The following MRTFA variants were observed in gnomAD, a reference collection of about 807,000 sequenced individuals.
The protein encoded by MRTFA is myocardin-related transcription factor A.
Under a neutral mutation model 83.5 loss-of-function variants are expected in MRTFA, and 20 were observed. That is an observed-to-expected ratio of 0.24 (90% confidence interval 0.17 to 0.35). MRTFA has a LOEUF of 0.35. Ranked by LOEUF, MRTFA falls within the 10% of genes least tolerant of loss-of-function variation. The probability of loss-of-function intolerance (pLI) is 1.00; values close to 1 mark genes in which losing one functional copy is unlikely to be tolerated. For missense variants in MRTFA, 1,200 were observed against 1,224.7 expected (o/e 0.98, Z 0.30); for synonymous variants, 659 against 541.2 (o/e 1.22, Z -3.02).
In MRTFA at chr22:40,613,165, C is replaced by A. The variant is rs201825261; in HGVS notation, c.-83-18430G>T. Among the ~76,000 whole-genome samples the A allele has an allele frequency of 8.5e-5, 13 of 152,274 alleles. No individual in the cohort carries two copies. The East Asian group carries it at 1.5e-3, about 18-fold the overall frequency. On this transcript the variant is annotated intron_variant, in intron 1 of 14. Coordinates refer to ENST00000355630, the MANE Select transcript of MRTFA (RefSeq NM_020831.6). The stretch of plus-strand genomic sequence containing the variant: ...GATTCATTCACAGTGCTGCATGTAT[C>A]CATAATTCATTCCTTTCTTTTTTCT...
intron 4 of MRTFA, among the ~76,000 whole-genome samples, chr22:40,441,994 G>A (rs894521532): frequency 2.0e-5 from 3 of 152,054 alleles, no homozygotes; most frequent in Admixed American, 1.3e-4. Context: ...GAGTAAGTAT[G>A]AAGACTCTTA....
At chr22:40,565,030 AT>A (rs1167733649) in intron 2 of MRTFA, among the ~76,000 whole-genome samples, 4 of 152,174 alleles carry the variant, frequency 2.6e-5, no homozygotes, top group African/African-American at 9.7e-5. Flanking sequence ...GAGCTTATGT[AT>A]AGGGACGTGA....
At chr22:40,437,339 A>G (rs765790892) in intron 4 of MRTFA, among the ~76,000 whole-genome samples, 1 of 152,216 alleles carries the variant, frequency 6.6e-6, no homozygotes, top group Non-Finnish European at 1.5e-5. Context: ...TGGAAAGCTT[A>G]GCACATGCAT....
intron 1 of MRTFA, among the ~76,000 whole-genome samples, chr22:40,626,740 CTGTAGTCCCAACACTT>C (rs2056586260): frequency 6.6e-6 from 1 of 152,060 alleles, no homozygotes; most frequent in Non-Finnish European, 1.5e-5. Flanking sequence ...TGGCTCATGC[CTGTAGTCCCAACACTT>C]TGAGAGTTCA....
chr22:40,632,305 A>G (rs1408780496), intron 1 of MRTFA, among the ~76,000 whole-genome samples: 1 of 151,586 alleles, frequency 6.6e-6, no homozygotes, highest in Non-Finnish European at 1.5e-5. Context: ...TTTTTTTTTG[A>G]GACAGTTTTG....
Position 40,538,985 on chromosome 22 carries a change from C to CTTTTTTTTTTTTTTTTTTT in MRTFA, c.241+13120_241+13121insAAAAAAAAAAAAAAAAAAA, listed in dbSNP as rs201694198. Among the ~76,000 whole-genome samples, 20 of 106,888 alleles carry CTTTTTTTTTTTTTTTTTTT rather than the reference C, an allele frequency of 1.9e-4. 9 individuals are homozygous for CTTTTTTTTTTTTTTTTTTT. The highest frequency in any genetic ancestry group is 2.0e-4 in the Non-Finnish European group (11 of 55,568). The allele number at this position is 106,888 out of a possible 152,430, so 70.1% of individuals were successfully genotyped here. On this transcript the variant is annotated intron_variant, in intron 3 of 14. Transcript: ENST00000355630. Reference sequence around the variant, plus strand: ...GACATTATACTGCAGGATACACAGCCTTTTGTTTTTTTTTTTTTTTTTTTT... The same window carrying CTTTTTTTTTTTTTTTTTTT: ...GACATTATACTGCAGGATACACAGCCTTTTTTTTTTTTTTTTTTTTTTTGTTTTTTTTTTTTTTTTTTTT...
chr22:40,414,439 G>A (rs2052633685), intron 14 of MRTFA, among the ~76,000 whole-genome samples: 1 of 152,208 alleles, frequency 6.6e-6, no homozygotes, highest in African/African-American at 2.4e-5. Flanking sequence ...CTTGTACACT[G>A]ACATTCACAA....
chr22:40,551,410 C>G (rs1042095288), intron 3 of MRTFA, among the ~76,000 whole-genome samples: 1 of 152,154 alleles, frequency 6.6e-6, no homozygotes, highest in Admixed American at 6.5e-5. Context: ...ATTCTGTCGT[C>G]CAGGCTGGAG....
intron 2 of MRTFA, among the ~76,000 whole-genome samples, chr22:40,564,084 T>C (rs574137806): frequency 2.0e-5 from 3 of 152,330 alleles, no homozygotes; most frequent in Admixed American, 1.3e-4. Context: ...ACAGGATTTA[T>C]ATAAGATAGA....
chr22:40,564,633 A>G (rs1222539349), intron 2 of MRTFA, among the ~76,000 whole-genome samples: 1 of 152,064 alleles, frequency 6.6e-6, no homozygotes, highest in Non-Finnish European at 1.5e-5. Flanking sequence ...ATAATGCTGT[A>G]ACTTTATTTT....
At chr22:40,519,224 CCT>C (rs1195869679) in intron 3 of MRTFA, among the ~76,000 whole-genome samples, 3 of 152,086 alleles carry the variant, frequency 2.0e-5, no homozygotes, top group East Asian at 1.9e-4. Context: ...GAAAACTACC[CCT>C]GAGTTTAGGC....
Position 40,605,704 on chromosome 22 carries a change from G to A in MRTFA, c.-83-10969C>T, listed in dbSNP as rs962890448. On this transcript the variant is annotated intron_variant, in intron 1 of 14. Coordinates refer to ENST00000355630, the MANE Select transcript of MRTFA (RefSeq NM_020831.6). ...AAAACATCAAAACTGATTTTGGCCA[G>A]GGAAAATCATCTCTATATTCCATTA... is the stretch of plus-strand genomic sequence containing the variant. 6.6e-5 allele frequency among the ~76,000 whole-genome samples: 10 copies of A among 152,142 alleles called. No homozygotes were observed. In the South Asian group the frequency reaches 1.0e-3, roughly 16 times the overall value.
chr22:40,604,913 C>T (rs1167031529), intron 1 of MRTFA, among the ~76,000 whole-genome samples: 1 of 152,102 alleles, frequency 6.6e-6, no homozygotes, highest in African/African-American at 2.4e-5. Flanking sequence ...ATGAATGAGG[C>T]AAGTATGTGG....
At chr22:40,476,995 G>C (rs919197312) in intron 3 of MRTFA, among the ~76,000 whole-genome samples, 1 of 151,866 alleles carries the variant, frequency 6.6e-6, no homozygotes, top group East Asian at 1.9e-4. Context: ...ATGTGGGGTT[G>C]GTTTTATATA....
chr22:40,481,110 A>C (rs1449228724), intron 3 of MRTFA, among the ~76,000 whole-genome samples: 3 of 152,126 alleles, frequency 2.0e-5, no homozygotes, highest in African/African-American at 7.2e-5. Context: ...CCTGTCTCAA[A>C]AAATAACAAC....
chr22:40,520,809 A>G (rs1235421594), intron 3 of MRTFA, among the ~76,000 whole-genome samples: 1 of 152,148 alleles, frequency 6.6e-6, no homozygotes, highest in Non-Finnish European at 1.5e-5. Flanking sequence ...TCATCAACTG[A>G]AAGACATGTG....
chr22:40,432,884 C>T (rs114504607), intron 5 of MRTFA, among the ~76,000 whole-genome samples: 192 of 152,226 alleles, frequency 1.3e-3, no homozygotes, highest in African/African-American at 4.4e-3. Flanking sequence ...GAGCAGGTGC[C>T]GCAAGTCTTC....
chr22:40,441,989 A>C (rs2053286502), intron 4 of MRTFA, among the ~76,000 whole-genome samples: 1 of 152,138 alleles, frequency 6.6e-6, no homozygotes, highest in Non-Finnish European at 1.5e-5. Context: ...CTGAAGAGTA[A>C]GTATGAAGAC....
intron 3 of MRTFA, chr22:40,533,686 A>G: frequency 9.0e-7 from 1 of 1,116,008 alleles, no homozygotes; most frequent in African/African-American, 1.6e-5. Flanking sequence ...AGAAAGTCAA[A>G]GTCACAGGAG....
Sources: allele counts gnomAD v4.1 joint callset (sites outside exome capture counted in the v4.1 genomes callset), GRCh38; gene constraint gnomAD v4.1.1; transcripts MANE v1.5; gene names NCBI Gene and HGNC (gene_info 2026-07-23, HGNC 2026-07-21).